The following PPP4R3B variants were observed in gnomAD, a reference collection of about 807,000 sequenced individuals.
PPP4R3B encodes protein phosphatase 4 regulatory subunit 3B.
PPP4R3B carries 52 observed loss-of-function variants against 95.4 expected under a neutral mutation model. That is an observed-to-expected ratio of 0.54 (90% confidence interval 0.44 to 0.69). The LOEUF (loss-of-function observed/expected upper bound fraction) is 0.69. PPP4R3B is among the 30% of genes least tolerant of loss of function. PPP4R3B has a pLI of 0.00. For missense variants in PPP4R3B, 1,003 were observed against 1,005.9 expected (o/e 1.00, Z 0.04); for synonymous variants, 407 against 343.9 (o/e 1.18, Z -2.03).
chr2:55,573,504 A>G (rs1250591055), intron 12 of PPP4R3B, 115 bp downstream of exon 12: 1 of 959,802 alleles, frequency 1.0e-6, no homozygotes, highest in Non-Finnish European at 1.5e-6. Flanking sequence ...AAAGAATAGG[A>G]CTTCTCACAA....
At chr2:55,603,947 A>G in intron 3 of PPP4R3B, 31 bp downstream of exon 3, 1 of 1,485,866 alleles carries the variant, frequency 6.7e-7, no homozygotes, top group South Asian at 1.3e-5. Flanking sequence ...AGAAGCAAAC[A>G]TTAAGTTAAA....
At chr2:55,571,615 C>T (rs1688004494) in intron 12 of PPP4R3B, among the ~76,000 whole-genome samples, 1 of 151,500 alleles carries the variant, frequency 6.6e-6, no homozygotes, top group African/African-American at 2.4e-5. Flanking sequence ...ATAATAAACA[C>T]AGGTTTTTTG....
chr2:55,585,056 C>A lies in PPP4R3B; in HGVS notation c.1228G>T (p.Asp410Tyr). The A allele has an allele frequency of 6.2e-7, 1 of 1,607,652 alleles. No homozygotes were observed. Among genetic ancestry groups the A allele is most frequent in the South Asian group, 1.1e-5 (1 of 90,096 alleles). ...EFVMQEAQQSDDDILLINVVI... is the reference protein window; with the variant it reads ...EFVMQEAQQSYDDILLINVVI... ...ACCACAGCATTATTACTTACGTCAT[C>A]ACTCTGCTGAGCTTCTTGCATTACA... is the stretch of plus-strand genomic sequence containing the variant. The change falls in exon 7 of 17, where the codon GAT becomes TAT. Residue 410 changes from aspartate (D) to tyrosine (Y), a missense_variant. Asp to Tyr is a radical substitution (Grantham distance 160). This residue lies in a region of PPP4R3B where 695 missense variants were observed against 686.2 expected (regional missense o/e 1.01). Transcript: ENST00000616407.
chr2:55,569,238 T>C (rs1028450109), intron 12 of PPP4R3B, among the ~76,000 whole-genome samples: 3 of 152,046 alleles, frequency 2.0e-5, no homozygotes, highest in African/African-American at 7.2e-5. Flanking sequence ...AAGATGCCCG[T>C]TGCCAAGCAG....
intron 7 of PPP4R3B, among the ~76,000 whole-genome samples, chr2:55,581,950 T>C (rs1689504456): frequency 6.6e-6 from 1 of 151,276 alleles, no homozygotes; most frequent in Non-Finnish European, 1.5e-5. Flanking sequence ...AAGCAGAGCA[T>C]GCTTCAACTT....
Position 55,573,922 on chromosome 2 carries a change from T to C in PPP4R3B, c.1607-145A>G, listed in dbSNP as rs116983379. On this transcript the variant is annotated intron_variant, in intron 11 of 16. Transcript: ENST00000616407. The stretch of plus-strand genomic sequence containing the variant: ...TTTTTTTTTTGAGACAAAGTCTCAC[T>C]CTGTCACCCAGTTTGGAGTGTGGTG... 972 of 566,534 alleles carry C rather than the reference T, an allele frequency of 1.7e-3. 23 individuals are homozygous for C. The East Asian group carries it at 0.035, about 20-fold the overall frequency. 35.1% of individuals were successfully genotyped at this position (566,534 alleles called of 1,614,324 possible).
chr2:55,570,106 C>T (rs1351607447), intron 12 of PPP4R3B, among the ~76,000 whole-genome samples: 1 of 152,010 alleles, frequency 6.6e-6, no homozygotes, highest in East Asian at 1.9e-4. Context: ...AAAAATTAGC[C>T]AGGTGTGCTG....
At chr2:55,599,275 T>C (rs987713825) in intron 3 of PPP4R3B, among the ~76,000 whole-genome samples, 7 of 151,668 alleles carry the variant, frequency 4.6e-5, no homozygotes, top group African/African-American at 1.7e-4. Flanking sequence ...CCAACTCCAC[T>C]AAAAATACAA....
intron 12 of PPP4R3B, among the ~76,000 whole-genome samples, chr2:55,570,911 C>T (rs1399117544): frequency 6.6e-6 from 1 of 152,166 alleles, no homozygotes; most frequent in African/African-American, 2.4e-5. Context: ...AGCAAAGAGG[C>T]ACAATTCTAC....
chr2:55,600,558 TA>T (rs1279081817), intron 3 of PPP4R3B, among the ~76,000 whole-genome samples: 1 of 147,510 alleles, frequency 6.8e-6, no homozygotes, highest in Non-Finnish European at 1.5e-5. Flanking sequence ...ACTGAAAAAG[TA>T]AAACATGAGA....
intron 4 of PPP4R3B, among the ~76,000 whole-genome samples, chr2:55,595,196 G>T (rs533245625): frequency 6.6e-6 from 1 of 151,738 alleles, no homozygotes. Flanking sequence ...GCTAATTTTT[G>T]TATTTTTAGT....
chr2:55,586,797 T>A (rs572425275), intron 5 of PPP4R3B, 63 bp from the exon 6 acceptor site: 2 of 942,348 alleles, frequency 2.1e-6, no homozygotes, highest in South Asian at 3.1e-5. Flanking sequence ...ACTATAGTAA[T>A]CATCTACCAT....
chr2:55,609,431 C>T (rs146813554), intron 2 of PPP4R3B, among the ~76,000 whole-genome samples: 2 of 152,182 alleles, frequency 1.3e-5, no homozygotes, highest in African/African-American at 2.4e-5. Flanking sequence ...TCTGTATTCC[C>T]AGCACTTTGG....
intron 2 of PPP4R3B, among the ~76,000 whole-genome samples, chr2:55,612,558 C>A (rs1460923737): frequency 6.6e-6 from 1 of 151,288 alleles, no homozygotes; most frequent in Non-Finnish European, 1.5e-5. Flanking sequence ...TCTACAAACA[C>A]AACAACAACA....
chr2:55,570,523 G>C (rs775176758), intron 12 of PPP4R3B, among the ~76,000 whole-genome samples: 5 of 152,132 alleles, frequency 3.3e-5, no homozygotes, highest in Admixed American at 2.0e-4. Context: ...TTATGGAACA[G>C]GAAGGACTAT....
At chr2:55,600,838 A>G (rs575418104) in intron 3 of PPP4R3B, among the ~76,000 whole-genome samples, 101 of 152,254 alleles carry the variant, frequency 6.6e-4, no homozygotes, top group African/African-American at 2.3e-3. Context: ...AAAAATGAGT[A>G]ATGTAACAAG....
chr2:55,597,759 C>G (rs772119442), intron 4 of PPP4R3B, among the ~76,000 whole-genome samples: 2 of 152,124 alleles, frequency 1.3e-5, no homozygotes, highest in Non-Finnish European at 1.5e-5. Flanking sequence ...TGAGATCATG[C>G]CATTGCACTC....
intron 12 of PPP4R3B, among the ~76,000 whole-genome samples, chr2:55,569,084 A>C (rs13025994): frequency 0.11 from 16,791 of 152,122 alleles, 1,120 homozygotes; most frequent in East Asian, 0.24. Context: ...CCAATATTAT[A>C]ATAATCCTCG....
intron 10 of PPP4R3B, 85 bp downstream of exon 10, chr2:55,578,162 T>G: frequency 8.2e-7 from 1 of 1,226,194 alleles, no homozygotes; most frequent in Non-Finnish European, 1.0e-6. Flanking sequence ...TATAGCAACT[T>G]TGAAAACAAG....
Sources: allele counts gnomAD v4.1 joint callset (sites outside exome capture counted in the v4.1 genomes callset), GRCh38; gene constraint gnomAD v4.1.1; regional missense constraint gnomAD v4.1.1; transcripts MANE v1.5; gene names NCBI Gene and HGNC (gene_info 2026-07-23, HGNC 2026-07-21).